The following SLC5A10 variants were observed in gnomAD, a reference collection of about 807,000 sequenced individuals.
SLC5A10 encodes solute carrier family 5 member 10, also known as sodium/mannose cotransporter SLC5A10.
Under a neutral mutation model 68.9 loss-of-function variants are expected in SLC5A10, and 55 were observed. That is an observed-to-expected ratio of 0.80 (90% confidence interval 0.64 to 1.00). The LOEUF is 1.00. SLC5A10 is among the 50% of genes least tolerant of loss of function. The pLI is 0.00. For synonymous variants in SLC5A10, 344 were observed against 344.8 expected (o/e 1.00, Z 0.02); for missense variants, 732 against 819.3 (o/e 0.89, Z 1.30).
intron 9 of SLC5A10, among the ~76,000 whole-genome samples, chr17:19,002,463 C>T (rs560910850): frequency 1.3e-5 from 2 of 152,324 alleles, no homozygotes; most frequent in South Asian, 2.1e-4. Flanking sequence ...CCAGGATGGT[C>T]CCCGAAGCCA....
chr17:18,976,766 T>C (rs2042989739), intron 8 of SLC5A10, 88 bp from the exon 9 acceptor site: 17 of 1,530,488 alleles, frequency 1.1e-5, no homozygotes, highest in Non-Finnish European at 1.3e-5. Flanking sequence ...TCGTGCCTCA[T>C]GCCCATTCCC....
intron 9 of SLC5A10, among the ~76,000 whole-genome samples, chr17:18,999,592 C>T (rs1228452969): frequency 7.2e-5 from 11 of 152,178 alleles, no homozygotes; most frequent in African/African-American, 1.2e-4. Context: ...GTAAAGTGCC[C>T]GCTCAGCACC....
At chr17:18,978,699 G>T (rs768473258) in intron 9 of SLC5A10, 1 of 1,612,872 alleles carries the variant, frequency 6.2e-7, no homozygotes, top group African/African-American at 1.3e-5. Context: ...ATAGGCTCCG[G>T]CTCCGGTTCC....
intron 9 of SLC5A10, among the ~76,000 whole-genome samples, chr17:18,991,668 T>C (rs116036225): frequency 0.1 from 15,773 of 152,226 alleles, 949 homozygotes; most frequent in South Asian, 0.23. Context: ...GGGGCAGGCA[T>C]GGCAGGCGGG....
chr17:18,975,461 G>A (rs2259660), intron 8 of SLC5A10, among the ~76,000 whole-genome samples: 74,507 of 151,910 alleles, frequency 0.49, 18,566 homozygotes, highest in Admixed American at 0.57. Flanking sequence ...AGGCCGAGGC[G>A]GGCAGATCAC....
In SLC5A10 at chr17:18,952,259, G is replaced by C; in HGVS notation, c.54G>C (p.Val18=). 6.2e-7 allele frequency: 1 copy of C among 1,614,008 alleles called. No individual in the cohort carries two copies. The highest frequency in any genetic ancestry group is 8.5e-7 in the Non-Finnish European group (1 of 1,179,962). Residue 18 remains valine, a synonymous_variant, in exon 1 of 15, where the codon GTG becomes GTC. Transcript: ENST00000395645. ...ACACTCCCGGGACGCAGCTGAGCGTGGCTGACATCATCGTCATCACTGTGT... is the reference window on the plus strand; with the variant it reads ...ACACTCCCGGGACGCAGCTGAGCGTCGCTGACATCATCGTCATCACTGTGT... The part of the protein sequence containing the change: ...DLHTPGTQLS[V]ADIIVITVYF...
rs767087906 is a variant in SLC5A10 at position 18,969,195 on chromosome 17, G to A, written c.559+38G>A. 38 of 1,604,282 alleles carry A rather than the reference G, an allele frequency of 2.4e-5. No homozygotes were observed. In the Admixed American group the frequency reaches 4.7e-4, roughly 20 times the overall value. On this transcript the variant is annotated intron_variant, in intron 6 of 14. Coordinates refer to ENST00000395645, the MANE Select transcript of SLC5A10 (RefSeq NM_001042450.4). ...CAGCAGGGAGGTCCACCCAGGGGAC[G>A]TGTAAAGGGGTCAGAAGGCCACCTC... is the stretch of plus-strand genomic sequence containing the variant.
chr17:18,976,705 G>A, intron 8 of SLC5A10, 149 bp from the exon 9 acceptor site: 3 of 1,031,550 alleles, frequency 2.9e-6, no homozygotes, highest in Non-Finnish European at 2.8e-6. Context: ...TGACAGTATT[G>A]GGGCTTTGAG....
chr17:18,959,049 G>A, intron 2 of SLC5A10, 86 bp from the exon 3 acceptor site: 1 of 1,340,992 alleles, frequency 7.5e-7, no homozygotes, highest in Non-Finnish European at 1.0e-6. Flanking sequence ...GCTTAGGTTT[G>A]TGAGGATGAG....
rs557679551 is a variant in SLC5A10, at chr17:19,013,074, G to C, written c.983-336G>C. ...TAGCCTCCATTTCCCCCTTTGGGGA[G>C]AATGGCTGGGGACGAGGGGGGCAAG... On this transcript the variant is annotated intron_variant, in intron 9 of 14. Coordinates refer to ENST00000395645, the MANE Select transcript of SLC5A10 (RefSeq NM_001042450.4). Among the ~76,000 whole-genome samples, 6 of 152,344 alleles carry C rather than the reference G, an allele frequency of 3.9e-5. No homozygotes were observed. The South Asian group carries it at 1.0e-3, about 26-fold the overall frequency.
In SLC5A10 at chr17:18,968,987, C is replaced by T. The variant is rs2042769071; in HGVS notation, c.454-65C>T. ...CCAGAGAGGGCCTTGCCCGAGGTCA[C>T]CCAGGGAGTGGCTTGCTGGAGCCCT... On this transcript the variant is annotated intron_variant, in intron 5 of 14. Coordinates refer to ENST00000395645, the MANE Select transcript of SLC5A10 (RefSeq NM_001042450.4). This position sits in a 1 kb window ranked among gnomAD's most constrained non-coding sequence, Gnocchi z 4.1. 3 of 1,531,904 alleles carry T rather than the reference C, an allele frequency of 2.0e-6. No individual in the cohort carries two copies. Among genetic ancestry groups the T allele is most frequent in the African/African-American group, 1.4e-5 (1 of 73,500 alleles). The allele number at this position is 1,531,904 out of a possible 1,614,324, so 94.9% of individuals were successfully genotyped here.
Position 19,017,590 on chromosome 17 carries a change from C to A in SLC5A10, c.1242-1833C>A, listed in dbSNP as rs971340685. On this transcript the variant is annotated intron_variant, in intron 11 of 14. Transcript: ENST00000395645. This position sits in a 1 kb window ranked among gnomAD's most constrained non-coding sequence, Gnocchi z 5.6. The stretch of plus-strand genomic sequence containing the variant: ...AGGCTGGGGGAGAGCGATGACCCGC[C>A]CCCACTCCCGTATGCCTGCCCCAAG... The A allele has an allele frequency of 2.1e-5, 12 of 572,394 alleles. No homozygotes were observed. The highest frequency in any genetic ancestry group is 3.4e-5 in the Non-Finnish European group (11 of 321,048). 35.5% of individuals were successfully genotyped at this position (572,394 alleles called of 1,614,324 possible).
upstream of SLC5A10, among the ~76,000 whole-genome samples, chr17:18,951,358 C>T (rs139137829): frequency 7.9e-5 from 12 of 152,336 alleles, no homozygotes; most frequent in African/African-American, 1.7e-4. Flanking sequence ...TGCGTAATGG[C>T]GGATGGCCAT....
At chr17:18,978,905 A>G in intron 9 of SLC5A10, 1 of 1,585,576 alleles carries the variant, frequency 6.3e-7, no homozygotes, top group Non-Finnish European at 8.6e-7. Flanking sequence ...TCCTCCGCCC[A>G]GCCCCCGTGC....
In SLC5A10 at chr17:18,968,939, C is replaced by G; in HGVS notation, c.454-113C>G. On this transcript the variant is annotated intron_variant, in intron 5 of 14. Coordinates refer to ENST00000395645, the MANE Select transcript of SLC5A10 (RefSeq NM_001042450.4). The surrounding 1 kb of genome is among the most constrained non-coding windows in gnomAD (Gnocchi z 4.1). ...AGGCAGGCGAGTGGGGGTCTCCCCT[C>G]CTTATCCACAGGCCACCGAGGCCCA... 1.1e-6 allele frequency: 1 copy of G among 904,004 alleles called. No homozygotes were observed. Among genetic ancestry groups the G allele is most frequent in the Non-Finnish European group, 1.6e-6 (1 of 611,334 alleles). 56.0% of individuals were successfully genotyped at this position (904,004 alleles called of 1,614,324 possible).
Position 19,017,757 on chromosome 17 carries a change from C to T in SLC5A10, c.1242-1666C>T, listed in dbSNP as rs1319636053. On this transcript the variant is annotated intron_variant, in intron 11 of 14. Coordinates refer to ENST00000395645, the MANE Select transcript of SLC5A10 (RefSeq NM_001042450.4). The surrounding 1 kb of genome is among the most constrained non-coding windows in gnomAD (Gnocchi z 5.6). ...GGACTCGGAGAGATCTCAGACACCC[C>T]TCCTTGAGATGTTCCACAGTAACTG... is the stretch of plus-strand genomic sequence containing the variant. The T allele has an allele frequency of 4.8e-6, 1 of 208,726 alleles. No homozygotes were observed. Among genetic ancestry groups the T allele is most frequent in the Non-Finnish European group, 9.7e-6 (1 of 102,998 alleles). The allele number at this position is 208,726 out of a possible 1,614,324, so 12.9% of individuals were successfully genotyped here.
intron 9 of SLC5A10, among the ~76,000 whole-genome samples, chr17:18,989,205 C>T (rs866753245): frequency 2.8e-5 from 4 of 143,002 alleles, no homozygotes; most frequent in Middle Eastern, 7.1e-3. Flanking sequence ...CCATCCCTGT[C>T]CCAGGTCTGA....
rs145952157 is a variant in SLC5A10 at position 18,998,168 on chromosome 17, C to T, written c.983-15242C>T. ...ACAGCCCAACCAGGCCAGGGCCTGC[C>T]AGGCTGGGGCCAACGTGGGCCAGGG... On this transcript the variant is annotated intron_variant, in intron 9 of 14. Coordinates refer to ENST00000395645, the MANE Select transcript of SLC5A10 (RefSeq NM_001042450.4). 2.0e-3 allele frequency among the ~76,000 whole-genome samples: 309 copies of T among 152,378 alleles called. 2 individuals carry two copies. Among genetic ancestry groups the T allele is most frequent in the African/African-American group, 6.9e-3 (289 of 41,598 alleles).
At chr17:18,963,442 C>A (rs1396989039) in intron 5 of SLC5A10, among the ~76,000 whole-genome samples, 1 of 152,244 alleles carries the variant, frequency 6.6e-6, no homozygotes. Flanking sequence ...AAACAGGGAG[C>A]ACCCACTCAC....
Sources: gnomAD v4.1 joint callset for allele counts (sites outside exome capture counted in the v4.1 genomes callset) on GRCh38, gnomAD v4.1.1 for gene constraint, Gnocchi (gnomAD v3.1) non-coding constraint, MANE v1.5 for transcripts, NCBI Gene and HGNC (gene_info 2026-07-23, HGNC 2026-07-21) for gene names.